The following ROCK1 variants were observed in gnomAD, a reference collection of about 807,000 sequenced individuals.
The protein encoded by ROCK1 is Rho associated coiled-coil containing protein kinase 1.
In ROCK1, 36 loss-of-function variants were observed where a neutral mutation model predicts 196.8. That is an observed-to-expected ratio of 0.18 (90% CI 0.14 to 0.24). ROCK1 has a LOEUF of 0.24. Ranked by LOEUF, ROCK1 falls within the 10% of genes least tolerant of loss-of-function variation. ROCK1 has a pLI of 1.00. For synonymous variants in ROCK1, 443 were observed against 515.9 expected, an observed-to-expected ratio of 0.86 and a Z score of 1.91; for missense variants, 920 against 1,562.0, an observed-to-expected ratio of 0.59 and a Z score of 6.93.
intron 17 of ROCK1, among the ~76,000 whole-genome samples, chr18:20,991,706 C>G (rs2035627880): frequency 6.6e-6 from 1 of 152,014 alleles, no homozygotes; most frequent in African/African-American, 2.4e-5. Flanking sequence ...ACCTTCTCAG[C>G]TCACTGCAGC....
chr18:21,083,372 A>ATT (rs2036498057), intron 1 of ROCK1, among the ~76,000 whole-genome samples: 1 of 152,198 alleles, frequency 6.6e-6, no homozygotes, highest in African/African-American at 2.4e-5. Context: ...AGCCAAAACA[A>ATT]TCTTGAAAAA....
chr18:21,076,851 A>G (rs1334623849), intron 1 of ROCK1, among the ~76,000 whole-genome samples: 2 of 152,198 alleles, frequency 1.3e-5, no homozygotes. Flanking sequence ...TTAGGTTTAT[A>G]GCAAAAAACA....
At position 21,006,614 on chromosome 18, in the gene ROCK1, CA is replaced by C. The variant is rs2035771140; in HGVS notation, c.1639-18del. On this transcript the variant is annotated intron_variant, in intron 15 of 32. Coordinates refer to ENST00000399799, the MANE Select transcript of ROCK1 (RefSeq NM_005406.3). ...TTCTTCTAGCTATTTAAAAAGAAAGCAAAAAAATAGGTTTCTGACCAAAGTA... is the reference window on the plus strand; with the variant it reads ...TTCTTCTAGCTATTTAAAAAGAAAGCAAAAAATAGGTTTCTGACCAAAGTA... The C allele has an allele frequency of 1.3e-6, 2 of 1,597,388 alleles. No individual in the cohort carries two copies. The highest frequency in any genetic ancestry group is 1.7e-6 in the Non-Finnish European group (2 of 1,175,358).
intron 10 of ROCK1, among the ~76,000 whole-genome samples, chr18:21,027,848 G>A (rs1369970612): frequency 1.6e-5 from 2 of 122,948 alleles, no homozygotes; most frequent in Admixed American, 1.0e-4. Flanking sequence ...TGCAAGCTCC[G>A]CCTCCCGGGT....
At chr18:21,070,825 A>C (rs1355942081) in intron 1 of ROCK1, among the ~76,000 whole-genome samples, 1 of 152,234 alleles carries the variant, frequency 6.6e-6, no homozygotes, top group Non-Finnish European at 1.5e-5. Context: ...TGCCAGGCCC[A>C]GGGGCAAGAA....
chr18:20,959,963 G>A (rs764214571), intron 28 of ROCK1, 35 bp from the exon 29 acceptor site: 1 of 1,340,192 alleles, frequency 7.5e-7, no homozygotes, highest in Middle Eastern at 1.8e-4. Context: ...AGTTACAAGA[G>A]CAACATTAAC....
intron 1 of ROCK1, among the ~76,000 whole-genome samples, chr18:21,080,122 G>A (rs1470958716): frequency 6.6e-6 from 1 of 152,048 alleles, no homozygotes; most frequent in Admixed American, 6.6e-5. Flanking sequence ...GAAGACCCTG[G>A]TGTTCCCCCA....
intron 1 of ROCK1, among the ~76,000 whole-genome samples, chr18:21,103,248 A>C (rs1341531900): frequency 1.3e-5 from 2 of 152,190 alleles, no homozygotes; most frequent in Non-Finnish European, 2.9e-5. Context: ...AATTCAAAAA[A>C]TAATGGCAAA....
At chr18:21,088,873 C>G (rs1812695463) in intron 1 of ROCK1, among the ~76,000 whole-genome samples, 1 of 152,104 alleles carries the variant, frequency 6.6e-6, no homozygotes, top group Admixed American at 6.6e-5. Context: ...CATCAGAGAA[C>G]CAAACCTGCT....
At chr18:21,022,716 G>T (rs180892097) in intron 11 of ROCK1, among the ~76,000 whole-genome samples, 1 of 152,218 alleles carries the variant, frequency 6.6e-6, no homozygotes, top group East Asian at 1.9e-4. Context: ...TTCAGTATAG[G>T]GCAATGGCTT....
At chr18:21,062,295 A>T (rs2036298397) in intron 2 of ROCK1, among the ~76,000 whole-genome samples, 1 of 152,166 alleles carries the variant, frequency 6.6e-6, no homozygotes, top group Admixed American at 6.5e-5. Flanking sequence ...TAAAAAAAGT[A>T]AGAACATGTC....
intron 9 of ROCK1, among the ~76,000 whole-genome samples, chr18:21,032,941 A>G (rs1036745929): frequency 1.3e-5 from 2 of 152,152 alleles, no homozygotes; most frequent in African/African-American, 4.8e-5. Context: ...TCACACCTGT[A>G]ACCCTAGCAC....
chr18:20,961,201 TA>T (rs2035323034), intron 27 of ROCK1, among the ~76,000 whole-genome samples: 1 of 152,104 alleles, frequency 6.6e-6, no homozygotes, highest in Non-Finnish European at 1.5e-5. Context: ...CACAAAAGAA[TA>T]GAAAAATAAC....
At chr18:21,026,845 T>C (rs2143474914) in intron 10 of ROCK1, among the ~76,000 whole-genome samples, 1 of 152,250 alleles carries the variant, frequency 6.6e-6, no homozygotes, top group East Asian at 1.9e-4. Context: ...ATTTTTGAGG[T>C]AATTAAAAGT....
chr18:20,997,249 T>C (rs371417016), intron 16 of ROCK1, among the ~76,000 whole-genome samples: 15 of 151,882 alleles, frequency 9.9e-5, no homozygotes, highest in Admixed American at 5.9e-4. Context: ...TGTATAAAGG[T>C]ACACATAGAC....
chr18:21,041,554 G>T (rs2036106790), intron 8 of ROCK1, among the ~76,000 whole-genome samples: 1 of 151,794 alleles, frequency 6.6e-6, no homozygotes, highest in Non-Finnish European at 1.5e-5. Context: ...ATGCTTGTTG[G>T]ATCTACAAGA....
intron 9 of ROCK1, among the ~76,000 whole-genome samples, chr18:21,030,553 A>G (rs2035997158): frequency 6.6e-6 from 1 of 152,182 alleles, no homozygotes; most frequent in African/African-American, 2.4e-5. Context: ...AAATGACACT[A>G]TTTCACAGTA....
intron 2 of ROCK1, among the ~76,000 whole-genome samples, chr18:21,057,862 C>G (rs2036256897): frequency 6.6e-6 from 1 of 151,940 alleles, no homozygotes; most frequent in Non-Finnish European, 1.5e-5. Flanking sequence ...TAAAAATCAA[C>G]TTTATACCCA....
chr18:20,998,377 A>G (rs1217934020), intron 16 of ROCK1, among the ~76,000 whole-genome samples: 2 of 152,184 alleles, frequency 1.3e-5, no homozygotes, highest in Non-Finnish European at 2.9e-5. Context: ...TTAATGATAC[A>G]TCTTAAAGAA....
Sources: gnomAD v4.1 joint callset for allele counts (sites outside exome capture counted in the v4.1 genomes callset) on GRCh38, gnomAD v4.1.1 for gene constraint, MANE v1.5 for transcripts, NCBI Gene and HGNC (gene_info 2026-07-23, HGNC 2026-07-21) for gene names.